Variants in RIMS2 observed in about 807,000 individuals in gnomAD.
RIMS2 encodes regulating synaptic membrane exocytosis 2.
In RIMS2, 59 loss-of-function variants were observed where a neutral mutation model predicts 174.4. The observed-to-expected ratio is 0.34, with a 90% CI of 0.27 to 0.42. The LOEUF is 0.42. Ranked by LOEUF, RIMS2 falls within the 10% of genes least tolerant of loss-of-function variation. RIMS2 has a pLI of 1.00. For missense variants in RIMS2, 1,620 were observed against 1,666.3 expected, an observed-to-expected ratio of 0.97 and a Z score of 0.48; for synonymous variants, 606 against 572.5, an observed-to-expected ratio of 1.06 and a Z score of -0.84.
At chr8:104,226,276 T>A (rs746782850) in intron 19 of RIMS2, among the ~76,000 whole-genome samples, 4 of 152,214 alleles carry the variant, frequency 2.6e-5, no homozygotes, top group Non-Finnish European at 5.9e-5. Context: ...CCAGTCTGAT[T>A]TTAAAGCTAG....
At chr8:103,721,648 T>C (rs916251918) in intron 2 of RIMS2, among the ~76,000 whole-genome samples, 7 of 152,194 alleles carry the variant, frequency 4.6e-5, no homozygotes, top group Non-Finnish European at 7.3e-5. Context: ...ATTATACATT[T>C]TACTACTTTT....
At chr8:103,936,707 T>C in exon 13 of RIMS2, 1 of 1,605,630 alleles carries the variant, frequency 6.2e-7, no homozygotes, top group Non-Finnish European at 8.5e-7. Context: ...AGGAAGAAAG[T>C]GAATTCTTAG....
intron 15 of RIMS2, 100 bp downstream of exon 17, chr8:103,961,233 C>T (rs1276786189): frequency 1.2e-5 from 8 of 693,236 alleles, no homozygotes; most frequent in Non-Finnish European, 2.0e-5. Flanking sequence ...TATAACTCGT[C>T]TTCTCACCCT....
intron 19 of RIMS2, among the ~76,000 whole-genome samples, chr8:104,189,826 C>A (rs543144104): frequency 2.4e-4 from 37 of 151,770 alleles, no homozygotes; most frequent in East Asian, 7.8e-4. Context: ...CAGAAAAAAA[C>A]CAATAATTAC....
At chr8:103,773,716 G>A (rs1479688015) in intron 3 of RIMS2, among the ~76,000 whole-genome samples, 1 of 151,108 alleles carries the variant, frequency 6.6e-6, no homozygotes, top group African/African-American at 2.4e-5. Flanking sequence ...GGCGACAAGA[G>A]CAAAACTCCA....
At chr8:103,655,794 G>A (rs1476977653) in intron 1 of RIMS2, among the ~76,000 whole-genome samples, 1 of 152,044 alleles carries the variant, frequency 6.6e-6, no homozygotes, top group Non-Finnish European at 1.5e-5. Flanking sequence ...AGTGTGGCAG[G>A]AGATGAGGTT....
intron 4 of RIMS2, among the ~76,000 whole-genome samples, chr8:103,903,197 CA>C (rs369272075): frequency 1.1e-4 from 17 of 151,844 alleles, no homozygotes; most frequent in African/African-American, 3.9e-4. Flanking sequence ...TAATTTTTTT[CA>C]AAACCGATGA....
intron 15 of RIMS2, among the ~76,000 whole-genome samples, chr8:103,965,754 G>A (rs2091638622): frequency 6.6e-6 from 1 of 151,878 alleles, no homozygotes; most frequent in African/African-American, 2.4e-5. Flanking sequence ...TTTTTTAACT[G>A]GTAAATATGA....
At chr8:103,811,477 C>T (rs557860275) in intron 3 of RIMS2, among the ~76,000 whole-genome samples, 28 of 152,286 alleles carry the variant, frequency 1.8e-4, no homozygotes, top group African/African-American at 6.3e-4. Context: ...CGGAGTCTCA[C>T]TCTGTCACCC....
intron 19 of RIMS2, among the ~76,000 whole-genome samples, chr8:104,147,986 T>A (rs1367486383): frequency 2.0e-5 from 3 of 152,224 alleles, no homozygotes; most frequent in Non-Finnish European, 4.4e-5. Flanking sequence ...AAATCTTTCT[T>A]TTCTTTATTT....
In RIMS2 at chr8:103,963,025, CT is replaced by C. The variant is rs1405731304; in HGVS notation, c.2770+1894del. On this transcript the variant is annotated intron_variant, in intron 15 of 23. Coordinates refer to ENST00000504942, the Ensembl canonical transcript of RIMS2. ...CTGTAGGAATTACATTTACATAAGA[CT>C]TATGATCACCAAGACTTAAATATAT... Among the ~76,000 whole-genome samples, 9 of 152,052 alleles carry C rather than the reference CT, an allele frequency of 5.9e-5. No homozygotes were observed. The East Asian group carries it at 1.7e-3, about 29-fold the overall frequency.
chr8:103,550,636 A>G (rs1418407581), intron 1 of RIMS2, among the ~76,000 whole-genome samples: 2 of 152,200 alleles, frequency 1.3e-5, no homozygotes, highest in Non-Finnish European at 2.9e-5. Context: ...AGAGACACAA[A>G]AAACCCTTCA....
intron 19 of RIMS2, among the ~76,000 whole-genome samples, chr8:104,174,042 G>A (rs1005744662): frequency 8.6e-5 from 13 of 151,706 alleles, no homozygotes; most frequent in Non-Finnish European, 2.9e-5. Context: ...TGCCTCCTTG[G>A]TTCAAGCAAT....
chr8:103,775,723 G>T (rs1005911703), intron 3 of RIMS2, among the ~76,000 whole-genome samples: 1 of 152,052 alleles, frequency 6.6e-6, no homozygotes, highest in Admixed American at 6.6e-5. Context: ...ATGCTTAATA[G>T]ACTTCTATTT....
intron 19 of RIMS2, among the ~76,000 whole-genome samples, chr8:104,224,105 T>C (rs1332860910): frequency 2.6e-5 from 4 of 152,374 alleles, no homozygotes; most frequent in South Asian, 2.1e-4. Flanking sequence ...TGCACCCCAC[T>C]CTGTTTTGGT....
chr8:104,031,179 G>A (rs943631919), intron 19 of RIMS2, among the ~76,000 whole-genome samples: 8 of 151,946 alleles, frequency 5.3e-5, no homozygotes, highest in Admixed American at 2.0e-4. Context: ...CATTTATGAA[G>A]ATACTAAATA....
chr8:103,591,932 C>CA (rs1207634721), intron 1 of RIMS2, among the ~76,000 whole-genome samples: 4 of 151,022 alleles, frequency 2.6e-5, no homozygotes, highest in South Asian at 2.1e-4. Context: ...TCAATTATTA[C>CA]AAAAAAGCTT....
intron 19 of RIMS2, among the ~76,000 whole-genome samples, chr8:104,203,476 A>G (rs1332793898): frequency 2.0e-5 from 3 of 148,854 alleles, no homozygotes. Flanking sequence ...GTTATTAGAC[A>G]TGGGACTAGA....
rs1001110788 is a variant in RIMS2, at chr8:103,590,417, G to A, written c.176+89355G>A. Among the ~76,000 whole-genome samples, 3 of 151,270 alleles carry A rather than the reference G, an allele frequency of 2.0e-5. No individual in the cohort carries two copies. In the East Asian group the frequency reaches 5.8e-4, roughly 29 times the overall value. ...CTGCAGATCTTTGAGAAAATCTCAT[G>A]TTTTAATGCCTTAACATTGTTCTTT... On this transcript the variant is annotated intron_variant, in intron 1 of 23. Coordinates refer to ENST00000504942, the Ensembl canonical transcript of RIMS2.
Sources: allele counts gnomAD v4.1 joint callset (sites outside exome capture counted in the v4.1 genomes callset), GRCh38; gene constraint gnomAD v4.1.1; transcripts MANE v1.5; gene names NCBI Gene and HGNC (gene_info 2026-07-23, HGNC 2026-07-21).